The following DDIAS variants were observed in gnomAD, a reference collection of about 807,000 sequenced individuals.
The protein encoded by DDIAS is DNA damage-induced apoptosis suppressor protein.
A neutral mutation model predicts 15.7 loss-of-function variants in DDIAS; 14 were observed. That is an observed-to-expected ratio of 0.89 (90% CI 0.59 to 1.39). DDIAS has a LOEUF of 1.39. Ranked by LOEUF, DDIAS falls within the 40% of genes most tolerant of loss-of-function variation. The pLI is 0.00. For missense variants in DDIAS, 1,035 were observed against 1,130.9 expected, an observed-to-expected ratio of 0.92 and a Z score of 1.22; for synonymous variants, 355 against 395.9, an observed-to-expected ratio of 0.90 and a Z score of 1.23.
chr11:82,908,018 T>A (rs374426598), intron 1 of DDIAS, among the ~76,000 whole-genome samples: 2 of 152,004 alleles, frequency 1.3e-5, no homozygotes, highest in African/African-American at 4.8e-5. Context: ...TCCAGCAGGG[T>A]TAGTACCATG....
Position 82,934,134 on chromosome 11 carries a change from GA to G in DDIAS, c.2800del (p.Thr934LeufsTer21). On this transcript the variant is annotated frameshift_variant, in exon 6 of 6. Transcript: ENST00000533655. LOFTEE classifies it low-confidence loss of function (END_TRUNC). ...NMLAAVVTKKKTHKYNCKSSG... is the reference protein window; with the variant it reads ...NMLAAVVTKKXTHKYNCKSSG... ...TGCTTGCAGCAGTTGTTACGAAAAAGAAAACTCATAAATATAACTGTAAAAG... is the reference window on the plus strand; with the variant it reads ...TGCTTGCAGCAGTTGTTACGAAAAAGAAACTCATAAATATAACTGTAAAAG... 1 of 1,609,338 alleles carries G rather than the reference GA, an allele frequency of 6.2e-7. No individual in the cohort carries two copies. The highest frequency in any genetic ancestry group is 2.2e-5 in the East Asian group (1 of 44,870).
intron 1 of DDIAS, among the ~76,000 whole-genome samples, chr11:82,907,374 T>C (rs1268488715): frequency 2.0e-5 from 3 of 152,042 alleles, no homozygotes; most frequent in African/African-American, 7.2e-5. Flanking sequence ...AGAGGTACAA[T>C]AGTATATGGT....
At chr11:82,919,389 G>T (rs1419486051) in intron 3 of DDIAS, among the ~76,000 whole-genome samples, 1 of 152,104 alleles carries the variant, frequency 6.6e-6, no homozygotes, top group Non-Finnish European at 1.5e-5. Context: ...TGTTTATGTG[G>T]TATATCACAC....
intron 5 of DDIAS, among the ~76,000 whole-genome samples, chr11:82,931,194 C>T (rs571312485): frequency 3.9e-5 from 6 of 152,126 alleles, no homozygotes; most frequent in South Asian, 2.1e-4. Flanking sequence ...TTAATAAATG[C>T]GGGAACTAGG....
At chr11:82,927,260 T>C (rs190756450) in intron 3 of DDIAS, among the ~76,000 whole-genome samples, 23 of 152,370 alleles carry the variant, frequency 1.5e-4, no homozygotes, top group Admixed American at 4.6e-4. Context: ...TTCATTTCCC[T>C]AGAGTTTGGT....
At chr11:82,908,173 A>G (rs1860466832) in intron 1 of DDIAS, among the ~76,000 whole-genome samples, 1 of 152,222 alleles carries the variant, frequency 6.6e-6, no homozygotes, top group African/African-American at 2.4e-5. Context: ...AGGGAAGAAT[A>G]TCGTAGCCAA....
At position 82,933,581 on chromosome 11, in the gene DDIAS, G is replaced by C. The variant is rs1466718830; in HGVS notation, c.2243G>C (p.Cys748Ser). 6.2e-7 allele frequency: 1 copy of C among 1,613,916 alleles called. No individual in the cohort carries two copies. Among genetic ancestry groups the C allele is most frequent in the East Asian group, 2.2e-5 (1 of 44,866 alleles). Residue 748 changes from cysteine (C) to serine (S), a missense_variant, in exon 6 of 6, where the codon TGC becomes TCC. Cys to Ser is a moderately radical substitution (Grantham distance 112). Transcript: ENST00000533655. ...SLSDSRHSRT[C>S]SPTPHFQSDS... Reference sequence around the variant, plus strand: ...TCTGACTCTAGGCATTCAAGAACATGCTCTCCAACACCTCATTTTCAATCA... The same window carrying C: ...TCTGACTCTAGGCATTCAAGAACATCCTCTCCAACACCTCATTTTCAATCA...
chr11:82,928,511 C>G (rs1257856151), intron 3 of DDIAS, among the ~76,000 whole-genome samples: 1 of 151,834 alleles, frequency 6.6e-6, no homozygotes, highest in Non-Finnish European at 1.5e-5. Context: ...TTCGTCCTCT[C>G]TTTCATGCAC....
intron 1 of DDIAS, among the ~76,000 whole-genome samples, chr11:82,903,721 C>T (rs1049280265): frequency 6.6e-6 from 1 of 152,142 alleles, no homozygotes; most frequent in African/African-American, 2.4e-5. Context: ...TGGAGGAGAC[C>T]ATTAGACAGT....
At chr11:82,911,878 A>G (rs1860536036) in intron 1 of DDIAS, among the ~76,000 whole-genome samples, 1 of 152,226 alleles carries the variant, frequency 6.6e-6, no homozygotes, top group Admixed American at 6.5e-5. Context: ...GTTAACAGGT[A>G]TGAAAACAAT....
intron 1 of DDIAS, among the ~76,000 whole-genome samples, chr11:82,910,039 C>T (rs542660852): frequency 3.3e-5 from 5 of 152,146 alleles, no homozygotes; most frequent in East Asian, 1.9e-4. Flanking sequence ...AGTACTATAC[C>T]GAAAAGATTT....
chr11:82,925,832 C>CA (rs1461314285), intron 3 of DDIAS, among the ~76,000 whole-genome samples: 2 of 151,632 alleles, frequency 1.3e-5, no homozygotes, highest in Admixed American at 6.6e-5. Context: ...ACTAAAAATA[C>CA]AAAAAATTAG....
chr11:82,903,232 A>G (rs1860359331), intron 1 of DDIAS, among the ~76,000 whole-genome samples: 1 of 152,252 alleles, frequency 6.6e-6, no homozygotes, highest in African/African-American at 2.4e-5. Context: ...CCAGCACCAT[A>G]AACAGGAGAT....
intron 1 of DDIAS, among the ~76,000 whole-genome samples, chr11:82,904,450 T>C (rs1860386150): frequency 6.6e-6 from 1 of 152,176 alleles, no homozygotes; most frequent in African/African-American, 2.4e-5. Context: ...CACCAAATAA[T>C]GGATTAGAGT....
At position 82,934,255 on chromosome 11, in the gene DDIAS, T is replaced by C. The variant is rs752652817; in HGVS notation, c.2917T>C (p.Cys973Arg). ...ACCTGATTCTTGTTCAGAAGTCAAATGTTGCCTTCCATTTTCAGAAAAAGG... is the reference window on the plus strand; with the variant it reads ...ACCTGATTCTTGTTCAGAAGTCAAACGTTGCCTTCCATTTTCAGAAAAAGG... ...LGPDSCSEVK[C>R]CLPFSEKGPP... The change falls in exon 6 of 6, where the codon TGT (cysteine) becomes CGT (arginine). Residue 973 changes from cysteine to arginine, a missense_variant. Transcript: ENST00000533655. The C allele has an allele frequency of 1.9e-6, 3 of 1,613,760 alleles. No homozygotes were observed. The South Asian group carries it at 3.3e-5, about 18-fold the overall frequency.
intron 3 of DDIAS, among the ~76,000 whole-genome samples, chr11:82,925,556 C>T (rs541015156): frequency 6.6e-6 from 1 of 152,264 alleles, no homozygotes; most frequent in South Asian, 2.1e-4. Context: ...TATGATAGCA[C>T]CACTGTCCTC....
At chr11:82,910,801 G>C (rs528045205) in intron 1 of DDIAS, among the ~76,000 whole-genome samples, 1 of 151,416 alleles carries the variant, frequency 6.6e-6, no homozygotes, top group African/African-American at 2.4e-5. Flanking sequence ...GTTTTTTGGA[G>C]AGATGAGGTC....
intron 1 of DDIAS, among the ~76,000 whole-genome samples, chr11:82,904,388 T>G (rs192528838): frequency 1.4e-4 from 21 of 152,360 alleles, no homozygotes; most frequent in Admixed American, 6.5e-5. Flanking sequence ...TTTTCATAAA[T>G]GATTAAGTTG....
chr11:82,924,446 G>A (rs1236641723), intron 3 of DDIAS, among the ~76,000 whole-genome samples: 1 of 152,124 alleles, frequency 6.6e-6, no homozygotes, highest in Non-Finnish European at 1.5e-5. Context: ...AGGTTTTCAA[G>A]ACTAAGAAAA....
Sources: gnomAD v4.1 joint callset for allele counts (sites outside exome capture counted in the v4.1 genomes callset) on GRCh38, gnomAD v4.1.1 for gene constraint, MANE v1.5 for transcripts, NCBI Gene and HGNC (gene_info 2026-07-23, HGNC 2026-07-21) for gene names.